The following UBE2N variants were observed in gnomAD, a reference collection of about 807,000 sequenced individuals.
UBE2N encodes the protein ubiquitin conjugating enzyme E2 N, also known as ubiquitin-conjugating enzyme E2 N.
For missense variants in UBE2N, 60 were observed against 192.1 expected (o/e 0.31, Z 4.07); for synonymous variants, 70 against 69.2 (o/e 1.01, Z -0.06).
chr12:93,410,003 C>A lies in UBE2N; in HGVS notation c.*36G>T, dbSNP rs201199367. The A allele has an allele frequency of 6.2e-7, 1 of 1,606,458 alleles. No individual in the cohort carries two copies. Among genetic ancestry groups the A allele is most frequent in the Non-Finnish European group, 8.5e-7 (1 of 1,174,584 alleles). On this transcript the variant is annotated 3_prime_UTR_variant, in exon 4 of 4. Transcript: ENST00000318066. ...CAAAGAGGAGGAAGTCTTGGCAGAA[C>A]AGGAGAAGTGATGCACACTTGATGA...
In UBE2N at chr12:93,410,117, T is replaced by C. The variant is rs553265820; in HGVS notation, c.419-38A>G. On this transcript the variant is annotated intron_variant, in intron 3 of 3. Coordinates refer to ENST00000318066, the MANE Select transcript of UBE2N (RefSeq NM_003348.4). ...ACAAACATACGATTATTATTTTACT[T>C]AGTTCAATATGTTACTTTCCAAACT... is the stretch of plus-strand genomic sequence containing the variant. 110 of 1,593,762 alleles carry C rather than the reference T, an allele frequency of 6.9e-5. 1 individual carries two copies. In the Admixed American group the frequency reaches 1.2e-3, roughly 17 times the overall value.
Position 93,407,906 on chromosome 12 carries a change from CA to C in UBE2N, c.*2132del, listed in dbSNP as rs1877903727. 1 of 152,058 alleles carries C rather than the reference CA, an allele frequency of 6.6e-6. No individual in the cohort carries two copies. Among genetic ancestry groups the C allele is most frequent in the South Asian group, 2.1e-4 (1 of 4,818 alleles). The allele number at this position is 152,058 out of a possible 1,614,324, so 9.4% of individuals were successfully genotyped here. A position where few individuals can be genotyped will look rare whatever the true frequency, so the allele number is the denominator to read the frequency against. ...TAGCAAAGTAATGGGGGAGTCTTAC[CA>C]AAACTGCAAAGGAAAAAAATATGAT... is the stretch of plus-strand genomic sequence containing the variant. On this transcript the variant is annotated 3_prime_UTR_variant, in exon 4 of 4. Coordinates refer to ENST00000318066, the MANE Select transcript of UBE2N (RefSeq NM_003348.4).
chr12:93,416,014 T>TA (rs1411181133), intron 1 of UBE2N, among the ~76,000 whole-genome samples: 1 of 152,214 alleles, frequency 6.6e-6, no homozygotes, highest in Non-Finnish European at 1.5e-5. Context: ...AGCCTAGATT[T>TA]AATTGGAACA....
chr12:93,436,863 A>G (rs1487303848), intron 1 of UBE2N, among the ~76,000 whole-genome samples: 2 of 152,148 alleles, frequency 1.3e-5, no homozygotes, highest in African/African-American at 4.8e-5. Flanking sequence ...ACTCAATATC[A>G]CTCACACTTG....
At chr12:93,418,289 A>C (rs2121067886) in intron 1 of UBE2N, among the ~76,000 whole-genome samples, 1 of 152,286 alleles carries the variant, frequency 6.6e-6, no homozygotes, top group South Asian at 2.1e-4. Flanking sequence ...GCCTGAGCCC[A>C]GGAGTTCAAG....
intron 1 of UBE2N, among the ~76,000 whole-genome samples, chr12:93,438,651 C>T (rs1253090959): frequency 6.6e-6 from 1 of 151,962 alleles, no homozygotes; most frequent in Non-Finnish European, 1.5e-5. Flanking sequence ...GTAACATGGT[C>T]TATATTTTAA....
At position 93,421,085 on chromosome 12, in the gene UBE2N, G is replaced by GA. The variant is rs1431320557; in HGVS notation, c.31-9787dup. ...ATCCTCATACTCATTTTACAACTGA[G>GA]AAACAAAGAGTAATCGACCAAAGCT... On this transcript the variant is annotated intron_variant, in intron 1 of 3. Coordinates refer to ENST00000318066, the MANE Select transcript of UBE2N (RefSeq NM_003348.4). Among the ~76,000 whole-genome samples the GA allele has an allele frequency of 2.0e-5, 3 of 152,224 alleles. No homozygotes were observed. The East Asian group carries it at 5.8e-4, about 29-fold the overall frequency.
chr12:93,433,474 C>T (rs1363698075), intron 1 of UBE2N, among the ~76,000 whole-genome samples: 2 of 152,124 alleles, frequency 1.3e-5, no homozygotes, highest in African/African-American at 2.4e-5. Flanking sequence ...ATTTAATTGC[C>T]TAATTGGTAT....
intron 1 of UBE2N, among the ~76,000 whole-genome samples, chr12:93,419,555 A>T (rs7484824): frequency 1.3e-5 from 2 of 151,934 alleles, no homozygotes; most frequent in Non-Finnish European, 2.9e-5. Flanking sequence ...AAGCTAACTG[A>T]ATGATGAAGT....
chr12:93,410,310 A>AAG (rs1877995317), intron 3 of UBE2N: 2 of 517,894 alleles, frequency 3.9e-6, no homozygotes, highest in South Asian at 5.0e-5. Flanking sequence ...AGGATGAATC[A>AAG]AGTTGTCCAT....
Position 93,406,709 on chromosome 12 carries a change from TAAGTA to T in UBE2N, c.*3325_*3329del, listed in dbSNP as rs1877838718. On this transcript the variant is annotated 3_prime_UTR_variant, in exon 4 of 4. Transcript: ENST00000318066. ...AGCACTTACATTATAATAGGTATTA[TAAGTA>T]ATCTAAATATTAACATAAGCGGGAG... 3 of 152,356 alleles carry T rather than the reference TAAGTA, an allele frequency of 2.0e-5. No homozygotes were observed. The South Asian group carries it at 6.2e-4, about 32-fold the overall frequency. 9.4% of individuals were successfully genotyped at this position (152,356 alleles called of 1,614,324 possible).
chr12:93,413,756 C>T (rs1268745997), intron 1 of UBE2N, among the ~76,000 whole-genome samples: 1 of 152,186 alleles, frequency 6.6e-6, no homozygotes, highest in Non-Finnish European at 1.5e-5. Context: ...ACCTCTGATC[C>T]AAGCAACCAT....
At chr12:93,430,776 A>G (rs923645969) in intron 1 of UBE2N, among the ~76,000 whole-genome samples, 3 of 148,046 alleles carry the variant, frequency 2.0e-5, no homozygotes, top group East Asian at 1.9e-4. Context: ...ATGTATATAT[A>G]TTTTATATTG....
chr12:93,431,143 C>T (rs1878758642), intron 1 of UBE2N, among the ~76,000 whole-genome samples: 1 of 152,200 alleles, frequency 6.6e-6, no homozygotes, highest in African/African-American at 2.4e-5. Flanking sequence ...AGGAGAATCG[C>T]TTGAACCTGG....
rs2121075018 is a variant in UBE2N at position 93,422,304 on chromosome 12, T to C, written c.31-11005A>G. Among the ~76,000 whole-genome samples, 4 of 152,332 alleles carry C rather than the reference T, an allele frequency of 2.6e-5. 1 individual carries two copies. The highest frequency in any genetic ancestry group is 2.6e-4 in the Admixed American group (4 of 15,298). ...TGACATAACACTTCATTGCCTGAAC[T>C]TTTCTTAGCACCAGCTCAAAAAATA... On this transcript the variant is annotated intron_variant, in intron 1 of 3. Transcript: ENST00000318066.
chr12:93,417,034 T>C (rs973980790), intron 1 of UBE2N, among the ~76,000 whole-genome samples: 8 of 152,196 alleles, frequency 5.3e-5, no homozygotes, highest in Admixed American at 2.6e-4. Flanking sequence ...GAAAGCACTG[T>C]AGACTATGTT....
At chr12:93,438,092 T>C (rs958108417) in intron 1 of UBE2N, among the ~76,000 whole-genome samples, 5 of 152,222 alleles carry the variant, frequency 3.3e-5, no homozygotes, top group Admixed American at 6.5e-5. Context: ...TTATTGCTCA[T>C]TGAGATTAAG....
chr12:93,439,064 T>C (rs777650782), intron 1 of UBE2N, among the ~76,000 whole-genome samples: 3 of 152,188 alleles, frequency 2.0e-5, no homozygotes, highest in Non-Finnish European at 4.4e-5. Flanking sequence ...CAAATGTAAA[T>C]AGTGATCATT....
Position 93,409,792 on chromosome 12 carries a change from AG to A in UBE2N, c.*246del, listed in dbSNP as rs748287246. ...ATGGGGGAAATGAATAAAAGCAGGGAGGGGCCACTGCTTTTAAACGTTTCAC... is the reference window on the plus strand; with the variant it reads ...ATGGGGGAAATGAATAAAAGCAGGGAGGGCCACTGCTTTTAAACGTTTCAC... On this transcript the variant is annotated 3_prime_UTR_variant, in exon 4 of 4. Transcript: ENST00000318066. The A allele has an allele frequency of 6.1e-5, 29 of 473,356 alleles. No homozygotes were observed. Among genetic ancestry groups the A allele is most frequent in the Non-Finnish European group, 9.5e-5 (25 of 261,952 alleles). 29.3% of individuals were successfully genotyped at this position (473,356 alleles called of 1,614,324 possible).
Sources: allele counts gnomAD v4.1 joint callset (sites outside exome capture counted in the v4.1 genomes callset), GRCh38; gene constraint gnomAD v4.1.1; transcripts MANE v1.5; gene names NCBI Gene and HGNC (gene_info 2026-07-23, HGNC 2026-07-21).